FBXO40: variants seen among roughly 807,000 people sequenced by gnomAD.
FBXO40 encodes F-box protein 40.
A neutral mutation model predicts 49.9 loss-of-function variants in FBXO40; 50 were observed. That is an observed-to-expected ratio of 1.00 (90% CI 0.80 to 1.27). FBXO40 has a LOEUF of 1.27. Ranked by LOEUF, FBXO40 falls within the 50% of genes most tolerant of loss-of-function variation. The pLI, the probability that FBXO40 is intolerant of heterozygous loss-of-function variation, is 0.00. For synonymous variants in FBXO40, 340 were observed against 320.2 expected (o/e 1.06, Z -0.66); for missense variants, 895 against 870.1 (o/e 1.03, Z -0.36).
rs758143108 is a variant in FBXO40 at position 121,622,538 on chromosome 3, G to A, written c.1109G>A (p.Cys370Tyr). 3 of 1,614,206 alleles carry A rather than the reference G, an allele frequency of 1.9e-6. No homozygotes were observed. Among genetic ancestry groups the A allele is most frequent in the Admixed American group, 3.3e-5 (2 of 60,028 alleles). The change falls in exon 3 of 4, where the codon TGT (cysteine) becomes TAT (tyrosine). Residue 370 changes from cysteine to tyrosine, a missense_variant. Physicochemically the swap from Cys to Tyr is radical, Grantham distance 194. Transcript: ENST00000338040. ...RARLGDAMLSCKPSEHKAVDT... is the reference protein window; with the variant it reads ...RARLGDAMLSYKPSEHKAVDT... ...CGACTTGGAGATGCCATGTTGAGTT[G>A]TAAGCCAAGTGAACACAAGGCAGTG... is the stretch of plus-strand genomic sequence containing the variant.
At chr3:121,614,917 G>C (rs1482617402) in intron 1 of FBXO40, among the ~76,000 whole-genome samples, 2 of 152,192 alleles carry the variant, frequency 1.3e-5, no homozygotes, top group Non-Finnish European at 2.9e-5. Flanking sequence ...AAGGATTTGA[G>C]GCAAGTGAAA....
At chr3:121,602,590 C>G (rs1326665916) in intron 1 of FBXO40, among the ~76,000 whole-genome samples, 16 of 152,082 alleles carry the variant, frequency 1.1e-4, no homozygotes, top group Non-Finnish European at 2.2e-4. Flanking sequence ...TTGGTCTCAC[C>G]CATCCAAGCT....
rs201761738 is a variant in FBXO40, at chr3:121,621,965, G to A, written c.536G>A (p.Gly179Asp). The part of the protein sequence containing the change: ...MGGAVGGVDI[G>D]LVPHGLSATN... Reference sequence around the variant, plus strand: ...GGAGCAGTGGGTGGAGTGGATATCGGTTTGGTACCACATGGTCTGTCAGCA... The same window carrying A: ...GGAGCAGTGGGTGGAGTGGATATCGATTTGGTACCACATGGTCTGTCAGCA... Residue 179 changes from glycine to aspartate, a missense_variant, in exon 3 of 4, where the codon GGT becomes GAT. By Grantham distance (94) the Gly-to-Asp change is moderately conservative. Transcript: ENST00000338040. 2 of 1,614,218 alleles carry A rather than the reference G, an allele frequency of 1.2e-6. No individual in the cohort carries two copies. The highest frequency in any genetic ancestry group is 1.3e-5 in the African/African-American group (1 of 75,050).
Position 121,593,519 on chromosome 3 carries a change from G to A in FBXO40, c.-31+17G>A, listed in dbSNP as rs1490535866. 6.6e-6 allele frequency: 1 copy of A among 152,182 alleles called. No individual in the cohort carries two copies. The highest frequency in any genetic ancestry group is 1.5e-5 in the Non-Finnish European group (1 of 68,052). The allele number at this position is 152,182 out of a possible 1,614,324, so 9.4% of individuals were successfully genotyped here. A position where few individuals can be genotyped will look rare whatever the true frequency, so the allele number is the denominator to read the frequency against. ...TCCATTAAGGTAAGTATTCAAACAGGAGCAGGTGCACCATGACGAGGACAT... is the reference window on the plus strand; with the variant it reads ...TCCATTAAGGTAAGTATTCAAACAGAAGCAGGTGCACCATGACGAGGACAT... On this transcript the variant is annotated intron_variant, in intron 1 of 3. Transcript: ENST00000338040.
At position 121,626,872 on chromosome 3, in the gene FBXO40, A is replaced by C; in HGVS notation, c.2092A>C (p.Thr698Pro). 6.2e-7 allele frequency: 1 copy of C among 1,614,092 alleles called. No homozygotes were observed. Among genetic ancestry groups the C allele is most frequent in the East Asian group, 2.2e-5 (1 of 44,872 alleles). Residue 698 changes from threonine to proline, a missense_variant, in exon 4 of 4, where the codon ACC (threonine) becomes CCC (proline). Thr to Pro is a conservative substitution (Grantham distance 38). Transcript: ENST00000338040. ...REQARESLVSTFRIRPRGRYV... is the reference protein window; with the variant it reads ...REQARESLVSPFRIRPRGRYV... ...GCAGGCCCGAGAGAGCTTAGTCTCC[A>C]CCTTTAGAATCAGACCACGAGGAAG...
intron 1 of FBXO40, among the ~76,000 whole-genome samples, chr3:121,617,381 G>T (rs1311516796): frequency 1.3e-5 from 2 of 150,568 alleles, no homozygotes; most frequent in African/African-American, 2.4e-5. Context: ...GGATCACGAG[G>T]TTAAGAGATC....
chr3:121,597,658 CCT>C (rs1560126408), intron 1 of FBXO40, among the ~76,000 whole-genome samples: 7 of 127,870 alleles, frequency 5.5e-5, no homozygotes, highest in Admixed American at 8.9e-5. Flanking sequence ...TTATAGGCCC[CCT>C]TTTTTTTTTT....
chr3:121,614,269 CAAA>C (rs35824526), intron 1 of FBXO40, among the ~76,000 whole-genome samples: 1 of 77,610 alleles, frequency 1.3e-5, no homozygotes. Context: ...GACTCTAGCT[CAAA>C]AAAAAAAAAA....
chr3:121,625,457 C>T (rs2108852442), intron 3 of FBXO40, among the ~76,000 whole-genome samples: 2 of 152,280 alleles, frequency 1.3e-5, no homozygotes, highest in South Asian at 4.1e-4. Flanking sequence ...GAGCAGTCTT[C>T]CTCAAAAAGT....
At chr3:121,615,491 G>T (rs2048992383) in intron 1 of FBXO40, among the ~76,000 whole-genome samples, 1 of 149,232 alleles carries the variant, frequency 6.7e-6, no homozygotes, top group South Asian at 2.1e-4. Context: ...GGAGGTGGAG[G>T]TTGCAGTGAG....
chr3:121,611,932 G>A (rs1182934694), intron 1 of FBXO40, among the ~76,000 whole-genome samples: 1 of 151,930 alleles, frequency 6.6e-6, no homozygotes, highest in East Asian at 1.9e-4. Flanking sequence ...TACAACACAT[G>A]TTTTTGTGAG....
intron 1 of FBXO40, among the ~76,000 whole-genome samples, chr3:121,602,542 G>A (rs1419338714): frequency 6.6e-6 from 1 of 152,132 alleles, no homozygotes; most frequent in African/African-American, 2.4e-5. Flanking sequence ...CCTTTGTAAT[G>A]TCTTCTATGT....
At chr3:121,623,606 A>T (rs1438439757) in intron 3 of FBXO40, among the ~76,000 whole-genome samples, 2 of 151,450 alleles carry the variant, frequency 1.3e-5, no homozygotes, top group Non-Finnish European at 2.9e-5. Context: ...ACCTCAAGTG[A>T]TCCTCCCATA....
chr3:121,597,186 T>G (rs115181740), intron 1 of FBXO40, among the ~76,000 whole-genome samples: 1 of 152,188 alleles, frequency 6.6e-6, no homozygotes, highest in Non-Finnish European at 1.5e-5. Context: ...GACCACACTT[T>G]CCTTTTTTCT....
In FBXO40 at chr3:121,623,121, T is replaced by A. The variant is rs1247464026; in HGVS notation, c.1692T>A (p.Gly564=). ...SEGRKNNHLL[G]HGGKSQNSLT... ...GAAGGAAGAACAACCATCTTTTGGG[T>A]CATGGAGGAAAAAGCCAGAATTCTT... is the stretch of plus-strand genomic sequence containing the variant. The change falls in exon 3 of 4, where the codon GGT becomes GGA. Residue 564 remains glycine (G), a synonymous_variant. Transcript: ENST00000338040. 5 of 1,614,098 alleles carry A rather than the reference T, an allele frequency of 3.1e-6. No homozygotes were observed. In the East Asian group the frequency reaches 1.1e-4, roughly 36 times the overall value.
chr3:121,626,433 C>T (rs1042400069), intron 3 of FBXO40, among the ~76,000 whole-genome samples: 10 of 152,108 alleles, frequency 6.6e-5, no homozygotes, highest in African/African-American at 2.2e-4. Flanking sequence ...GGTGGAGGAG[C>T]AAGGGAGAGT....
Position 121,627,574 on chromosome 3 carries a change from T to C in FBXO40, c.*664T>C, listed in dbSNP as rs1258151851. 3 of 322,968 alleles carry C rather than the reference T, an allele frequency of 9.3e-6. No individual in the cohort carries two copies. Among genetic ancestry groups the C allele is most frequent in the South Asian group, 1.6e-4 (1 of 6,392 alleles). 20.0% of individuals were successfully genotyped at this position (322,968 alleles called of 1,614,324 possible). On this transcript the variant is annotated 3_prime_UTR_variant, in exon 4 of 4. Transcript: ENST00000338040. ...ATCACAGAGTCTGTTGCTAGAATCT[T>C]GGCAACATACAGCAGGAAAGCCTTG...
intron 1 of FBXO40, among the ~76,000 whole-genome samples, chr3:121,601,991 C>T (rs560580887): frequency 1.1e-4 from 17 of 152,212 alleles, no homozygotes; most frequent in African/African-American, 2.4e-4. Context: ...GGTCCCACTG[C>T]GCAGCTAAAA....
intron 1 of FBXO40, among the ~76,000 whole-genome samples, chr3:121,597,659 CTTTT>C (rs11388990): frequency 1.6e-5 from 2 of 124,508 alleles, no homozygotes; most frequent in East Asian, 4.3e-4. Flanking sequence ...TATAGGCCCC[CTTTT>C]TTTTTTTTTT....
Sources: gnomAD v4.1 joint callset for allele counts (sites outside exome capture counted in the v4.1 genomes callset) on GRCh38, gnomAD v4.1.1 for gene constraint, MANE v1.5 for transcripts, NCBI Gene and HGNC (gene_info 2026-07-23, HGNC 2026-07-21) for gene names.